The following RBFOX3 variants were observed in gnomAD, a reference collection of about 807,000 sequenced individuals.
The protein encoded by RBFOX3 is RNA binding fox-1 homolog 3.
In RBFOX3, 17 loss-of-function variants were observed where a neutral mutation model predicts 48.7. The observed-to-expected ratio is 0.35, with a 90% CI of 0.24 to 0.52. RBFOX3 has a LOEUF of 0.52. Among genes scored for constraint, RBFOX3 ranks in the 20% least tolerant of loss-of-function variants. The probability of loss-of-function intolerance (pLI) is 0.94; values close to 1 mark genes in which losing one functional copy is unlikely to be tolerated. For missense variants in RBFOX3, 382 were observed against 497.5 expected, an observed-to-expected ratio of 0.77 and a Z score of 2.21; for synonymous variants, 212 against 209.5, an observed-to-expected ratio of 1.01 and a Z score of -0.10.
At chr17:79,446,162 C>T (rs1252700041) in intron 2 of RBFOX3, among the ~76,000 whole-genome samples, 7 of 152,166 alleles carry the variant, frequency 4.6e-5, no homozygotes, top group African/African-American at 1.4e-4. Context: ...CCAGCATGGT[C>T]GGTCAAGCTG....
At chr17:79,371,261 G>A (rs2058500908) in intron 2 of RBFOX3, among the ~76,000 whole-genome samples, 1 of 152,266 alleles carries the variant, frequency 6.6e-6, no homozygotes, top group Non-Finnish European at 1.5e-5. Flanking sequence ...GGGTTTGGAA[G>A]GTTCTGGTAC....
At chr17:79,647,066 T>TGC in the RBFOX3 span, among the ~76,000 whole-genome samples, 1 of 151,454 alleles carries the variant, frequency 6.6e-6, no homozygotes, top group South Asian at 2.1e-4. Context: ...CTGCCGTGTG[T>TGC]GTGTGTGTGT....
At chr17:79,166,263 C>G (rs2047992192) in intron 4 of RBFOX3, among the ~76,000 whole-genome samples, 1 of 152,102 alleles carries the variant, frequency 6.6e-6, no homozygotes, top group Non-Finnish European at 1.5e-5. Flanking sequence ...CCCCCCAGCG[C>G]AGCCTCCCGT....
chr17:79,340,648 G>A (rs918459949), intron 2 of RBFOX3, among the ~76,000 whole-genome samples: 1 of 152,092 alleles, frequency 6.6e-6, no homozygotes, highest in South Asian at 2.1e-4. Context: ...TTCATGACAC[G>A]GGTCTGGCAC....
chr17:79,602,102 G>C (rs908902806), intron 1 of RBFOX3: 1 of 152,172 alleles, frequency 6.6e-6, no homozygotes, highest in Non-Finnish European at 1.5e-5. Flanking sequence ...AAATGTACCC[G>C]CTGGAAGACG....
intron 3 of RBFOX3, among the ~76,000 whole-genome samples, chr17:79,241,423 A>G (rs2062358910): frequency 6.6e-6 from 1 of 152,124 alleles, no homozygotes; most frequent in Admixed American, 6.5e-5. Context: ...TCCATTGGCA[A>G]GGACAACTGA....
At chr17:79,563,365 C>A (rs961925308) in intron 1 of RBFOX3, among the ~76,000 whole-genome samples, 1 of 152,250 alleles carries the variant, frequency 6.6e-6, no homozygotes, top group African/African-American at 2.4e-5. Flanking sequence ...TGAAACGCCT[C>A]GCTTCCGTCT....
chr17:79,637,961 T>C, the RBFOX3 span, among the ~76,000 whole-genome samples: 2 of 152,074 alleles, frequency 1.3e-5, no homozygotes, highest in African/African-American at 4.8e-5. Context: ...TTCACAAATA[T>C]GTGGAAACTA....
At chr17:79,431,903 T>A (rs1261949846) in intron 2 of RBFOX3, among the ~76,000 whole-genome samples, 1 of 152,258 alleles carries the variant, frequency 6.6e-6, no homozygotes, top group Non-Finnish European at 1.5e-5. Flanking sequence ...ATCTCCAGAA[T>A]GCTTTTATCT....
chr17:79,412,865 T>TGTGGTGTGTATGCAC (rs1487227958), intron 2 of RBFOX3, among the ~76,000 whole-genome samples: 1 of 151,514 alleles, frequency 6.6e-6, no homozygotes, highest in Non-Finnish European at 1.5e-5. Context: ...TGAATGTATG[T>TGTGGTGTGTATGCAC]GTGGTGTGTA....
rs1028059 is a variant in RBFOX3, at chr17:79,471,473, A to G, written c.-175+10981T>C. Among the ~76,000 whole-genome samples the G allele has an allele frequency of 0.035, 5,336 of 152,290 alleles. 130 individuals are homozygous for G. Among genetic ancestry groups the G allele is most frequent in the South Asian group, 0.062 (301 of 4,822 alleles). ...GCTCACAGACAAGAGACAATATTCA[A>G]ACGCCACCTCTGGTCACCCCTGGCC... On this transcript the variant is annotated intron_variant, in intron 2 of 14. Transcript: ENST00000693108. The surrounding 1 kb of genome is among the most constrained non-coding windows in gnomAD (Gnocchi z 4.0).
At chr17:79,159,310 G>A (rs948732731) in intron 4 of RBFOX3, among the ~76,000 whole-genome samples, 5 of 152,134 alleles carry the variant, frequency 3.3e-5, no homozygotes, top group Non-Finnish European at 7.4e-5. Context: ...TGGCCCGGGC[G>A]GTTCCTCCTC....
intron 4 of RBFOX3, among the ~76,000 whole-genome samples, chr17:79,127,813 C>A (rs1335149210): frequency 6.6e-6 from 1 of 152,180 alleles, no homozygotes; most frequent in Non-Finnish European, 1.5e-5. Flanking sequence ...AGACCTGTGA[C>A]CCCCGATCCC....
intron 2 of RBFOX3, among the ~76,000 whole-genome samples, chr17:79,315,747 C>A (rs535936790): frequency 6.6e-6 from 1 of 152,364 alleles, no homozygotes; most frequent in African/African-American, 2.4e-5. Context: ...CCGCCCGTGC[C>A]GCCACCCTGG....
intron 3 of RBFOX3, among the ~76,000 whole-genome samples, chr17:79,278,554 C>T (rs1171565918): frequency 0.15 from 15 of 102 alleles, no homozygotes; most frequent in East Asian, 0.46. Context: ...GCATGCAGAC[C>T]CCCCACCCTG....
chr17:79,192,561 G>C (rs2612772), intron 4 of RBFOX3, among the ~76,000 whole-genome samples: 151,896 of 152,286 alleles, frequency 1, 75,754 homozygotes, highest in Middle Eastern at 1. Flanking sequence ...CAGCTTGGAG[G>C]CAATAGCTCC....
At chr17:79,389,874 C>G (rs922509943) in intron 2 of RBFOX3, among the ~76,000 whole-genome samples, 3 of 152,236 alleles carry the variant, frequency 2.0e-5, no homozygotes, top group Non-Finnish European at 2.9e-5. Context: ...GGGCTGGAGA[C>G]TAGCGTTTTC....
At chr17:79,120,821 C>A (rs2035550334) in intron 4 of RBFOX3, among the ~76,000 whole-genome samples, 1 of 151,974 alleles carries the variant, frequency 6.6e-6, no homozygotes, top group Non-Finnish European at 1.5e-5. Flanking sequence ...ATCCTCCCTT[C>A]CTCTACAAAC....
chr17:79,257,817 G>T (rs1215985870), intron 3 of RBFOX3, among the ~76,000 whole-genome samples: 1 of 152,246 alleles, frequency 6.6e-6, no homozygotes. Context: ...CTGAGCTCAG[G>T]CAATACACTC....
Sources: gnomAD v4.1 joint callset for allele counts (sites outside exome capture counted in the v4.1 genomes callset) on GRCh38, gnomAD v4.1.1 for gene constraint, Gnocchi (gnomAD v3.1) non-coding constraint, MANE v1.5 for transcripts, NCBI Gene and HGNC (gene_info 2026-07-23, HGNC 2026-07-21) for gene names.